The following NRF1 variants were observed in gnomAD, a reference collection of about 807,000 sequenced individuals.
NRF1 encodes the protein nuclear respiratory factor 1, also known as alpha palindromic-binding protein.
Under a neutral mutation model 58.5 loss-of-function variants are expected in NRF1, and 5 were observed. The observed-to-expected ratio is 0.09, with a 90% CI of 0.04 to 0.18. The LOEUF is 0.18. Among genes scored for constraint, NRF1 ranks in the 10% least tolerant of loss-of-function variants. NRF1 has a pLI of 1.00. For missense variants in NRF1, 288 were observed against 657.7 expected (o/e 0.44, Z 6.15); for synonymous variants, 224 against 246.7 (o/e 0.91, Z 0.86).
Position 129,723,242 on chromosome 7 carries a change from G to A in NRF1, c.1224-3999G>A, listed in dbSNP as rs193089148. Among the ~76,000 whole-genome samples, 5 of 152,112 alleles carry A rather than the reference G, an allele frequency of 3.3e-5. No homozygotes were observed. In the South Asian group the frequency reaches 8.3e-4, roughly 25 times the overall value. ...GTGGATCACCTGAGGTTGGGAGTTC[G>A]AGACCAGCCTGGCCAACATGGAGAA... On this transcript the variant is annotated intron_variant, in intron 9 of 10. Transcript: ENST00000393232.
intron 1 of NRF1, among the ~76,000 whole-genome samples, chr7:129,654,074 T>C (rs1206714041): frequency 1.3e-5 from 2 of 152,222 alleles, no homozygotes. Flanking sequence ...GGCTGTACTA[T>C]GTTGCATTCC....
At chr7:129,617,213 T>G (rs1311431648) in intron 1 of NRF1, among the ~76,000 whole-genome samples, 1 of 152,162 alleles carries the variant, frequency 6.6e-6, no homozygotes, top group Non-Finnish European at 1.5e-5. Flanking sequence ...GCATATATAT[T>G]AAGACAGTTT....
intron 5 of NRF1, among the ~76,000 whole-genome samples, chr7:129,694,108 G>A (rs1335472023): frequency 6.6e-6 from 1 of 152,084 alleles, no homozygotes; most frequent in Non-Finnish European, 1.5e-5. Context: ...TGTTGGAGGT[G>A]CACATTTTCT....
rs1562957544 is a variant in NRF1, at chr7:129,642,756, A to ACTTTTTTTTTTT, written c.-6-14590_-6-14589insCTTTTTTTTTTT. Among the ~76,000 whole-genome samples, 18 of 131,688 alleles carry ACTTTTTTTTTTT rather than the reference A, an allele frequency of 1.4e-4. 2 individuals are homozygous for ACTTTTTTTTTTT. In the East Asian group the frequency reaches 2.4e-3, roughly 17 times the overall value. The allele number at this position is 131,688 out of a possible 152,430, so 86.4% of individuals were successfully genotyped here. A position where few individuals can be genotyped will look rare whatever the true frequency, so the allele number is the denominator to read the frequency against. The stretch of plus-strand genomic sequence containing the variant: ...TTCTAAAAGAATACATTCTTTAAAA[A>ACTTTTTTTTTTT]ATTTTTTTTTTTTTTTTTTTAAATG... On this transcript the variant is annotated intron_variant, in intron 1 of 10. Coordinates refer to ENST00000393232, the MANE Select transcript of NRF1 (RefSeq NM_005011.5).
chr7:129,702,642 C>T (rs972348440), intron 5 of NRF1, among the ~76,000 whole-genome samples: 3 of 152,132 alleles, frequency 2.0e-5, no homozygotes, highest in Admixed American at 6.5e-5. Flanking sequence ...TCAGCCTGGA[C>T]GGTAATAATT....
intron 10 of NRF1, among the ~76,000 whole-genome samples, chr7:129,751,216 G>A (rs1197177073): frequency 6.6e-6 from 1 of 152,244 alleles, no homozygotes. Flanking sequence ...TGGCTGGCGT[G>A]TGAAGTGAGT....
intron 1 of NRF1, among the ~76,000 whole-genome samples, chr7:129,647,917 G>T (rs1801446286): frequency 6.6e-6 from 1 of 152,220 alleles, no homozygotes; most frequent in African/African-American, 2.4e-5. Flanking sequence ...CTTAACGTAA[G>T]AAGGGAGCTT....
Position 129,685,126 on chromosome 7 carries a change from T to A in NRF1, c.466-5280T>A, listed in dbSNP as rs186456116. 4.7e-3 allele frequency among the ~76,000 whole-genome samples: 713 copies of A among 152,184 alleles called. 3 individuals carry two copies. Among genetic ancestry groups the A allele is most frequent in the African/African-American group, 0.016 (652 of 41,510 alleles). ...AGCTTGTAGAAAATTTAAAAAAAAA[T>A]TTTTTTTATGAGACCTTCCCAAAGA... On this transcript the variant is annotated intron_variant, in intron 4 of 10. Coordinates refer to ENST00000393232, the MANE Select transcript of NRF1 (RefSeq NM_005011.5).
intron 1 of NRF1, among the ~76,000 whole-genome samples, chr7:129,617,205 A>C (rs779968533): frequency 8.0e-4 from 121 of 152,144 alleles, no homozygotes; most frequent in Non-Finnish European, 9.6e-4. Flanking sequence ...CTTTGTATGC[A>C]TATATATTAA....
At chr7:129,720,138 G>A (rs1370147311) in intron 9 of NRF1, among the ~76,000 whole-genome samples, 3 of 152,196 alleles carry the variant, frequency 2.0e-5, no homozygotes, top group African/African-American at 7.2e-5. Flanking sequence ...ATAAAGAGAT[G>A]TTGAAATCTC....
intron 10 of NRF1, among the ~76,000 whole-genome samples, chr7:129,732,179 A>G (rs1247563158): frequency 6.6e-6 from 1 of 152,178 alleles, no homozygotes; most frequent in Admixed American, 6.5e-5. Flanking sequence ...TCAGAAAACC[A>G]GGCCTATAGA....
At chr7:129,635,747 A>G (rs1432420822) in intron 1 of NRF1, among the ~76,000 whole-genome samples, 1 of 152,124 alleles carries the variant, frequency 6.6e-6, no homozygotes, top group Non-Finnish European at 1.5e-5. Flanking sequence ...GTGGTTGTCT[A>G]GGTTTTGCAA....
intron 5 of NRF1, among the ~76,000 whole-genome samples, chr7:129,697,798 G>A (rs183881181): frequency 2.6e-5 from 4 of 151,858 alleles, no homozygotes; most frequent in East Asian, 3.9e-4. Flanking sequence ...GAAATGGTGC[G>A]ATCTCAGCTC....
intron 8 of NRF1, among the ~76,000 whole-genome samples, chr7:129,714,129 G>C (rs1364698835): frequency 1.3e-5 from 2 of 152,182 alleles, no homozygotes; most frequent in Non-Finnish European, 2.9e-5. Context: ...GCTGGCACTT[G>C]AGCTGATTTC....
At chr7:129,611,888 G>C (rs1254376482) in intron 1 of NRF1, 64 bp downstream of exon 1, 1 of 149,072 alleles carries the variant, frequency 6.7e-6, no homozygotes, top group African/African-American at 2.4e-5. Flanking sequence ...CACGCCGCCC[G>C]CCCGCCGGCC....
intron 1 of NRF1, among the ~76,000 whole-genome samples, chr7:129,634,061 T>TACACAC (rs141834786): frequency 0.035 from 4,563 of 131,226 alleles, 117 homozygotes; most frequent in African/African-American, 0.059. Context: ...TATATATATA[T>TACACAC]ACACACACAC....
intron 7 of NRF1, among the ~76,000 whole-genome samples, chr7:129,711,182 C>T (rs114080666): frequency 0.011 from 1,684 of 152,214 alleles, 31 homozygotes; most frequent in African/African-American, 0.039. Flanking sequence ...TGATTGGGAA[C>T]CTCTAAAGTT....
At chr7:129,612,965 C>T (rs911605851) in intron 1 of NRF1, among the ~76,000 whole-genome samples, 5 of 152,236 alleles carry the variant, frequency 3.3e-5, no homozygotes, top group African/African-American at 4.8e-5. Flanking sequence ...CTCCATTCTT[C>T]TTAAGCATTA....
intron 2 of NRF1, among the ~76,000 whole-genome samples, chr7:129,667,741 GTATT>G (rs140688640): frequency 0.18 from 26,463 of 144,142 alleles, 2,512 homozygotes; most frequent in African/African-American, 0.21. Context: ...AATTTTAAAG[GTATT>G]TATTTATTTA....
Sources: allele counts gnomAD v4.1 joint callset (sites outside exome capture counted in the v4.1 genomes callset), GRCh38; gene constraint gnomAD v4.1.1; transcripts MANE v1.5; gene names NCBI Gene and HGNC (gene_info 2026-07-23, HGNC 2026-07-21).